The following NRK variants were observed in gnomAD, a reference collection of about 807,000 sequenced individuals.
The protein encoded by NRK is Nik related kinase.
A neutral mutation model predicts 125.2 loss-of-function variants in NRK; 67 were observed. The observed-to-expected ratio is 0.54, with a 90% CI of 0.44 to 0.66. The LOEUF (loss-of-function observed/expected upper bound fraction) is 0.66. NRK is among the 30% of genes least tolerant of loss of function. NRK has a pLI of 0.00. For missense variants in NRK, 1,224 were observed against 1,192.9 expected, an observed-to-expected ratio of 1.03 and a Z score of -0.38; for synonymous variants, 458 against 429.0, an observed-to-expected ratio of 1.07 and a Z score of -0.84.
chrX:105,905,467 T>G, intron 10 of NRK, 124 bp downstream of exon 10: 1 of 528,249 alleles, frequency 1.9e-6, no homozygotes, highest in Non-Finnish European at 3.3e-6. Flanking sequence ...TCCTAAAGTC[T>G]AATATCTTAA....
rs780569234 is a variant in NRK, at chrX:105,826,056, C to CTA, written c.57+3169_57+3170dup. ...TGTCTCCGTCTCTCTCTCTCTCTCTCTATATATATATATATACACATACAC... is the reference window on the plus strand; with the variant it reads ...TGTCTCCGTCTCTCTCTCTCTCTCTCTATATATATATATATATACACATACAC... On this transcript the variant is annotated intron_variant, in intron 1 of 28. Coordinates refer to ENST00000243300, the MANE Select transcript of NRK (RefSeq NM_198465.4). Among the ~76,000 whole-genome samples the CTA allele has an allele frequency of 3.8e-3, 356 of 93,589 alleles. 1 individual carries two copies. Among genetic ancestry groups the CTA allele is most frequent in the South Asian group, 9.7e-3 (20 of 2,054 alleles). The allele number at this position is 93,589 out of a possible 115,157, so 81.3% of individuals were successfully genotyped here. A position where few individuals can be genotyped will look rare whatever the true frequency, so the allele number is the denominator to read the frequency against.
chrX:105,841,761 T>C (rs1303651141), intron 2 of NRK, among the ~76,000 whole-genome samples: 1 of 111,687 alleles, frequency 9.0e-6, no homozygotes, highest in South Asian at 3.7e-4. Context: ...AATTATTGAG[T>C]GTTTGAACTG....
In NRK at chrX:105,886,683, A is replaced by G. The variant is rs186260914; in HGVS notation, c.253-1611A>G. On this transcript the variant is annotated intron_variant, in intron 4 of 28. Transcript: ENST00000243300. Reference sequence around the variant, plus strand: ...AATGTTCAGTGAGAGTAGACCCCTTACATATTTTATTAGTATATTTCTCTA... The same window carrying G: ...AATGTTCAGTGAGAGTAGACCCCTTGCATATTTTATTAGTATATTTCTCTA... Among the ~76,000 whole-genome samples, 219 of 106,992 alleles carry G rather than the reference A, an allele frequency of 2.0e-3. 3 individuals are homozygous for G. The highest frequency in any genetic ancestry group is 7.1e-3 in the African/African-American group (211 of 29,741). The allele number at this position is 106,992 out of a possible 115,157, so 92.9% of individuals were successfully genotyped here.
rs113129723 is a variant in NRK, at chrX:105,866,014, C to CAA, written c.124-14172_124-14171dup. Among the ~76,000 whole-genome samples the CAA allele has an allele frequency of 3.5e-3, 269 of 75,960 alleles. 2 individuals carry two copies. The highest frequency in any genetic ancestry group is 7.2e-3 in the East Asian group (17 of 2,360). 66.0% of individuals were successfully genotyped at this position (75,960 alleles called of 115,157 possible). On this transcript the variant is annotated intron_variant, in intron 2 of 28. Coordinates refer to ENST00000243300, the MANE Select transcript of NRK (RefSeq NM_198465.4). Reference sequence around the variant, plus strand: ...GTCAGGTGCATAAAACAAAACAAAGCAAAAAAAAAAAAAACATAAAAGTCA... The same window carrying CAA: ...GTCAGGTGCATAAAACAAAACAAAGCAAAAAAAAAAAAAAAACATAAAAGTCA...
intron 13 of NRK, among the ~76,000 whole-genome samples, chrX:105,910,903 G>T (rs191165596): frequency 1.0e-3 from 116 of 111,492 alleles, no homozygotes; most frequent in African/African-American, 3.6e-3. Context: ...TATCTCAAAG[G>T]AAAAACAACA....
At position 105,909,338 on chromosome X, in the gene NRK, C is replaced by T; in HGVS notation, c.1697C>T (p.Ala566Val). Residue 566 changes from alanine to valine, a missense_variant, in exon 13 of 29, where the codon GCC (alanine) becomes GTC (valine). Transcript: ENST00000243300. ...CAGCCAGAGGTACAGGAACAGGCTGCCGAGCCTGCACAGGCAGAGACTGAG... is the reference window on the plus strand; with the variant it reads ...CAGCCAGAGGTACAGGAACAGGCTGTCGAGCCTGCACAGGCAGAGACTGAG... ...PEQPEVQEQAAEPAQAETEAE... is the reference protein window; with the variant it reads ...PEQPEVQEQAVEPAQAETEAE... 8.3e-6 allele frequency: 10 copies of T among 1,205,473 alleles called. No homozygotes were observed. Among genetic ancestry groups the T allele is most frequent in the Non-Finnish European group, 1.0e-5 (9 of 891,327 alleles).
chrX:105,830,310 G>A (rs1446112733), intron 1 of NRK, among the ~76,000 whole-genome samples: 1 of 32,533 alleles, frequency 3.1e-5, no homozygotes, highest in Non-Finnish European at 4.8e-5. Context: ...GTGAAACTCC[G>A]TCGCAAAAAA....
intron 14 of NRK, among the ~76,000 whole-genome samples, chrX:105,913,396 T>C (rs1446227135): frequency 8.9e-6 from 1 of 112,355 alleles, no homozygotes; most frequent in Non-Finnish European, 1.9e-5. Flanking sequence ...CATTGATCAG[T>C]TGGAAAATAC....
intron 6 of NRK, among the ~76,000 whole-genome samples, chrX:105,894,154 T>A (rs2040051191): frequency 8.9e-6 from 1 of 112,158 alleles, no homozygotes; most frequent in East Asian, 2.8e-4. Flanking sequence ...TTTGAAATCA[T>A]GGCCTTTAAT....
chrX:105,949,154 G>C (rs1445554786), intron 26 of NRK, among the ~76,000 whole-genome samples: 1 of 111,579 alleles, frequency 9.0e-6, no homozygotes, highest in Non-Finnish European at 1.9e-5. Context: ...ATTTGAGTGA[G>C]TTGGCTGATA....
chrX:105,843,985 G>GTGTC (rs1468157472), intron 2 of NRK, among the ~76,000 whole-genome samples: 92 of 85,697 alleles, frequency 1.1e-3, no homozygotes, highest in African/African-American at 5.1e-3. Context: ...CTCTGTGTGT[G>GTGTC]TGTGTGTGTG....
chrX:105,918,855 A>G (rs1285442461), intron 16 of NRK, among the ~76,000 whole-genome samples: 1 of 109,846 alleles, frequency 9.1e-6, no homozygotes, highest in Non-Finnish European at 1.9e-5. Context: ...TACATAGACC[A>G]TTTGATATTC....
intron 2 of NRK, among the ~76,000 whole-genome samples, chrX:105,847,331 C>A (rs1250154360): frequency 8.9e-6 from 1 of 111,951 alleles, no homozygotes; most frequent in Non-Finnish European, 1.9e-5. Context: ...TTTGACAAAG[C>A]CAAATTACAT....
intron 1 of NRK, among the ~76,000 whole-genome samples, chrX:105,829,735 C>A (rs1057020702): frequency 3.6e-5 from 4 of 111,500 alleles, no homozygotes; most frequent in African/African-American, 3.3e-5. Flanking sequence ...CCACAGAAAA[C>A]GTCACTTTGT....
chrX:105,942,038 A>G (rs1390517656), intron 23 of NRK, among the ~76,000 whole-genome samples: 4 of 111,704 alleles, frequency 3.6e-5, no homozygotes, highest in Non-Finnish European at 7.5e-5. Flanking sequence ...ATGGAACCAT[A>G]TATTATGTTG....
At chrX:105,841,552 G>T (rs1383259562) in intron 2 of NRK, among the ~76,000 whole-genome samples, 1 of 111,345 alleles carries the variant, frequency 9.0e-6, no homozygotes, top group Admixed American at 9.6e-5. Context: ...ACTAGGGAAA[G>T]AAGGTTAGAT....
chrX:105,844,134 A>G (rs976615812), intron 2 of NRK, among the ~76,000 whole-genome samples: 4 of 108,991 alleles, frequency 3.7e-5, no homozygotes, highest in Non-Finnish European at 3.8e-5. Context: ...CACCATATGT[A>G]TATGCTTGAT....
At chrX:105,857,781 A>C (rs141999463) in intron 2 of NRK, among the ~76,000 whole-genome samples, 1 of 112,021 alleles carries the variant, frequency 8.9e-6, no homozygotes, top group Non-Finnish European at 1.9e-5. Flanking sequence ...AGGGTTTCAC[A>C]AATCTTCTGT....
intron 2 of NRK, among the ~76,000 whole-genome samples, chrX:105,878,769 A>G (rs1366515210): frequency 9.0e-6 from 1 of 111,156 alleles, no homozygotes; most frequent in Admixed American, 9.6e-5. Context: ...AATTCTGGAC[A>G]TTTCCTTGTG....
Sources: allele counts gnomAD v4.1 joint callset (sites outside exome capture counted in the v4.1 genomes callset), GRCh38; gene constraint gnomAD v4.1.1; transcripts MANE v1.5; gene names NCBI Gene and HGNC (gene_info 2026-07-23, HGNC 2026-07-21).